SIPA1L1: variants seen among roughly 807,000 people sequenced by gnomAD.
SIPA1L1 encodes the protein signal-induced proliferation-associated 1-like protein 1.
A neutral mutation model predicts 162.7 loss-of-function variants in SIPA1L1; 26 were observed. The ratio of observed to expected loss-of-function variants is 0.16; its 90% confidence interval spans 0.12 to 0.22. The LOEUF is 0.22. SIPA1L1 is among the 10% of genes least tolerant of loss of function. SIPA1L1 has a pLI of 1.00. For synonymous variants in SIPA1L1, 829 were observed against 837.4 expected (o/e 0.99, Z 0.17); for missense variants, 1,874 against 2,241.0 (o/e 0.84, Z 3.31).
chr14:71,709,492 A>G lies in SIPA1L1; in HGVS notation c.4036A>G (p.Ser1346Gly). Residue 1346 changes from serine to glycine, a missense_variant, in exon 17 of 24, where the codon AGT becomes GGT. Ser to Gly is a moderately conservative substitution (Grantham distance 56, BLOSUM62 0). This residue lies in a region of SIPA1L1 where 936 missense variants were observed against 1,051.9 expected (regional missense o/e 0.89). Coordinates refer to ENST00000381232, the MANE Select transcript of SIPA1L1 (RefSeq NM_001386936.1). ...AGTGGCACCCCTATGGCACAGCTCC[A>G]GTGAAGTAATCTCCATGGCAGATCG... ...EKVAPLWHSSSEVISMADRTL... is the reference protein window; with the variant it reads ...EKVAPLWHSSGEVISMADRTL... The G allele has an allele frequency of 6.2e-7, 1 of 1,614,240 alleles. No homozygotes were observed. The highest frequency in any genetic ancestry group is 1.1e-5 in the South Asian group (1 of 91,086).
chr14:71,668,435 A>G (rs1293093270), intron 10 of SIPA1L1, among the ~76,000 whole-genome samples: 2 of 152,172 alleles, frequency 1.3e-5, no homozygotes, highest in African/African-American at 4.8e-5. Context: ...CAGCTGCTCA[A>G]CCGGAGGTTC....
chr14:71,460,630 C>T (rs1294944511), intron 2 of SIPA1L1, among the ~76,000 whole-genome samples: 1 of 152,104 alleles, frequency 6.6e-6, no homozygotes, highest in Non-Finnish European at 1.5e-5. Context: ...TGGCAGCGTT[C>T]CTCCCTCTGG....
chr14:71,500,931 G>A (rs958485783), intron 2 of SIPA1L1, among the ~76,000 whole-genome samples: 1 of 152,280 alleles, frequency 6.6e-6, no homozygotes, highest in African/African-American at 2.4e-5. Flanking sequence ...GCTTAAACCC[G>A]GGAGGCAGAG....
At chr14:71,393,859 C>T (rs190111952) in intron 2 of SIPA1L1, among the ~76,000 whole-genome samples, 1 of 152,334 alleles carries the variant, frequency 6.6e-6, no homozygotes, top group East Asian at 1.9e-4. Context: ...GTTCAGGTAA[C>T]ACCAGTGGTC....
At chr14:71,389,782 G>A (rs1012514431) in intron 2 of SIPA1L1, among the ~76,000 whole-genome samples, 2 of 152,146 alleles carry the variant, frequency 1.3e-5, no homozygotes, top group Non-Finnish European at 2.9e-5. Context: ...GAGACTCATC[G>A]TCAGGAGCCC....
At position 71,658,333 on chromosome 14, in the gene SIPA1L1, C is replaced by T; in HGVS notation, c.1994C>T (p.Thr665Ile). ...EKYRAQLDTK[T>I]DSTGTHSLYT... ...ATCATTATATTTTTTTTAACTGTAG[C>T]TGACTCCACTGGAACCCATTCTCTG... is the stretch of plus-strand genomic sequence containing the variant. The change falls in exon 9 of 24, where the codon ACT (threonine) becomes ATT (isoleucine). Residue 665 changes from threonine to isoleucine, a missense_variant and splice_region_variant. Transcript: ENST00000381232. The T allele has an allele frequency of 6.5e-7, 1 of 1,533,442 alleles. No individual in the cohort carries two copies. Among genetic ancestry groups the T allele is most frequent in the Non-Finnish European group, 9.0e-7 (1 of 1,107,390 alleles). The allele number at this position is 1,533,442 out of a possible 1,614,324, so 95.0% of individuals were successfully genotyped here. A position where few individuals can be genotyped will look rare whatever the true frequency, so the allele number is the denominator to read the frequency against.
chr14:71,725,815 T>G (rs2084188608), intron 19 of SIPA1L1, among the ~76,000 whole-genome samples: 1 of 152,234 alleles, frequency 6.6e-6, no homozygotes, highest in Non-Finnish European at 1.5e-5. Context: ...TGAAGTCTTC[T>G]GTTCTCTAGG....
At chr14:71,406,470 G>A (rs1008904726) in intron 2 of SIPA1L1, among the ~76,000 whole-genome samples, 1 of 151,988 alleles carries the variant, frequency 6.6e-6, no homozygotes, top group Non-Finnish European at 1.5e-5. Context: ...GTGCTTTTCT[G>A]GGAAGAACAC....
intron 4 of SIPA1L1, among the ~76,000 whole-genome samples, chr14:71,583,059 A>T (rs2034150894): frequency 6.6e-6 from 1 of 152,218 alleles, no homozygotes; most frequent in African/African-American, 2.4e-5. Flanking sequence ...CTGTGAAGTT[A>T]TATTTCTGTT....
chr14:71,570,225 A>G (rs1283970014), intron 4 of SIPA1L1, among the ~76,000 whole-genome samples: 1 of 151,412 alleles, frequency 6.6e-6, no homozygotes, highest in Non-Finnish European at 1.5e-5. Flanking sequence ...TCAGTCTACT[A>G]TTTTTTTTCT....
intron 4 of SIPA1L1, among the ~76,000 whole-genome samples, chr14:71,543,868 C>CGT (rs958303461): frequency 8.6e-4 from 116 of 134,830 alleles, no homozygotes; most frequent in African/African-American, 2.9e-3. Context: ...ATATATCATA[C>CGT]GTATGTGTAT....
chr14:71,359,023 A>T (rs1278497444), intron 2 of SIPA1L1, among the ~76,000 whole-genome samples: 1 of 152,124 alleles, frequency 6.6e-6, no homozygotes, highest in Admixed American at 6.5e-5. Flanking sequence ...GATCTAAACC[A>T]TATCAAGCAT....
rs371652423 is a variant in SIPA1L1, at chr14:71,370,803, A to C, written c.-465+49622A>C. ...TCAACAGTCGCCCAGGATTTTGCCA[A>C]ATCATAAATGGTACCTTGTGTCTGT... On this transcript the variant is annotated intron_variant, in intron 2 of 23. Coordinates refer to ENST00000381232, the MANE Select transcript of SIPA1L1 (RefSeq NM_001386936.1). 2.0e-5 allele frequency among the ~76,000 whole-genome samples: 3 copies of C among 152,284 alleles called. No homozygotes were observed. The East Asian group carries it at 5.8e-4, about 29-fold the overall frequency.
intron 2 of SIPA1L1, among the ~76,000 whole-genome samples, chr14:71,458,874 C>G (rs902586826): frequency 6.6e-6 from 1 of 151,844 alleles, no homozygotes; most frequent in African/African-American, 2.4e-5. Flanking sequence ...AGTTAGAGAC[C>G]AACCTGGCCT....
intron 2 of SIPA1L1, among the ~76,000 whole-genome samples, chr14:71,385,841 C>T (rs933311100): frequency 2.0e-5 from 3 of 151,878 alleles, no homozygotes; most frequent in African/African-American, 7.3e-5. Context: ...GCATGTGCCA[C>T]CACGCCCAGC....
intron 2 of SIPA1L1, among the ~76,000 whole-genome samples, chr14:71,413,401 T>C (rs1457452312): frequency 6.6e-6 from 1 of 152,184 alleles, no homozygotes; most frequent in Admixed American, 6.5e-5. Flanking sequence ...AAGAATTTGT[T>C]GTTTAAGTGG....
chr14:71,602,449 T>C (rs188024050), intron 5 of SIPA1L1, among the ~76,000 whole-genome samples: 1 of 152,334 alleles, frequency 6.6e-6, no homozygotes, highest in Admixed American at 6.5e-5. Flanking sequence ...AGTTTTAAAG[T>C]TTTGTTGAGA....
At chr14:71,554,803 A>C (rs184685107) in intron 4 of SIPA1L1, among the ~76,000 whole-genome samples, 1 of 152,290 alleles carries the variant, frequency 6.6e-6, no homozygotes, top group African/African-American at 2.4e-5. Context: ...GCTCCTTGCT[A>C]TCCTAAATAA....
chr14:71,676,461 A>C (rs1268934229), intron 12 of SIPA1L1, among the ~76,000 whole-genome samples: 4 of 135,490 alleles, frequency 3.0e-5, no homozygotes, highest in Non-Finnish European at 6.2e-5. Context: ...GGTGCCAGGC[A>C]TTTTCCTTTT....
Sources: gnomAD v4.1 joint callset for allele counts (sites outside exome capture counted in the v4.1 genomes callset) on GRCh38, gnomAD v4.1.1 for gene constraint, gnomAD v4.1.1 regional missense constraint, MANE v1.5 for transcripts, NCBI Gene and HGNC (gene_info 2026-07-23, HGNC 2026-07-21) for gene names.